Variants in VDR observed in about 807,000 individuals in gnomAD.
VDR encodes vitamin D receptor, also known as vitamin D3 receptor.
A neutral mutation model predicts 39.7 loss-of-function variants in VDR; 19 were observed. The observed-to-expected ratio is 0.48, with a 90% CI of 0.33 to 0.70. VDR has a LOEUF of 0.70. Among genes scored for constraint, VDR ranks in the 30% least tolerant of loss-of-function variants. VDR has a pLI of 0.02. For synonymous variants in VDR, 242 were observed against 215.8 expected (o/e 1.12, Z -1.07); for missense variants, 442 against 570.5 (o/e 0.77, Z 2.29).
rs148111485 is a variant in VDR at position 47,855,514 on chromosome 12, C to T, written c.755+116G>A. On this transcript the variant is annotated intron_variant, in intron 7 of 9. Coordinates refer to ENST00000549336, the MANE Select transcript of VDR (RefSeq NM_000376.3). ...CAGCCTGCGTGACAGAGCAAGATGC[C>T]GTTTAAAAAAATAAAAAATAAAAAA... 355 of 1,271,188 alleles carry T rather than the reference C, an allele frequency of 2.8e-4. No homozygotes were observed. In the African/African-American group the frequency reaches 4.5e-3, roughly 16 times the overall value. 78.7% of individuals were successfully genotyped at this position (1,271,188 alleles called of 1,614,324 possible).
At chr12:47,858,698 G>A (rs1404385136) in intron 4 of VDR, among the ~76,000 whole-genome samples, 1 of 152,254 alleles carries the variant, frequency 6.6e-6, no homozygotes, top group African/African-American at 2.4e-5. Flanking sequence ...TGGGCACCAG[G>A]GCCTTTGGCC....
At chr12:47,890,344 T>C (rs1169379674) in intron 1 of VDR, among the ~76,000 whole-genome samples, 1 of 145,876 alleles carries the variant, frequency 6.9e-6, no homozygotes, top group Non-Finnish European at 1.5e-5. Flanking sequence ...ATGTAATATG[T>C]ATTTTATATA....
Position 47,844,206 on chromosome 12 carries a change from A to C in VDR, c.*540T>G. On this transcript the variant is annotated 3_prime_UTR_variant, in exon 10 of 10. Transcript: ENST00000549336. The stretch of plus-strand genomic sequence containing the variant: ...TGATGGGAAGAAAACCCACCTCACC[A>C]CAGCTACTGCCCGTGAGAATATAAC... The C allele has an allele frequency of 5.7e-6, 1 of 174,646 alleles. No homozygotes were observed. Among genetic ancestry groups the C allele is most frequent in the Non-Finnish European group, 1.2e-5 (1 of 80,754 alleles). 10.8% of individuals were successfully genotyped at this position (174,646 alleles called of 1,614,324 possible). A position where few individuals can be genotyped will look rare whatever the true frequency, so the allele number is the denominator to read the frequency against.
chr12:47,895,224 G>A (rs539313349), intron 1 of VDR, among the ~76,000 whole-genome samples: 13 of 152,314 alleles, frequency 8.5e-5, no homozygotes, highest in Non-Finnish European at 1.8e-4. Flanking sequence ...CACCTTGAAC[G>A]ATTGCATGGA....
chr12:47,867,373 GA>G (rs1419748425), intron 3 of VDR, among the ~76,000 whole-genome samples: 1 of 151,346 alleles, frequency 6.6e-6, no homozygotes, highest in Admixed American at 6.6e-5. Context: ...AGAAAGAAAA[GA>G]AAAAGAAAAG....
chr12:47,848,471 T>A (rs556269290), intron 7 of VDR, among the ~76,000 whole-genome samples: 4 of 151,744 alleles, frequency 2.6e-5, no homozygotes, highest in Non-Finnish European at 5.9e-5. Flanking sequence ...TAGGGCCATG[T>A]CATTGTGATG....
intron 1 of VDR, among the ~76,000 whole-genome samples, chr12:47,895,738 A>G (rs570296743): frequency 6.6e-6 from 1 of 152,318 alleles, no homozygotes; most frequent in South Asian, 2.1e-4. Context: ...TTGGCTGTCA[A>G]TGTTTTAGAA....
chr12:47,883,378 G>T (rs986629507), intron 1 of VDR, among the ~76,000 whole-genome samples: 1 of 152,182 alleles, frequency 6.6e-6, no homozygotes, highest in African/African-American at 2.4e-5. Flanking sequence ...GGCGGAGCAG[G>T]TGTTGCAGGG....
chr12:47,850,964 C>T (rs1195064408), intron 7 of VDR, among the ~76,000 whole-genome samples: 1 of 151,918 alleles, frequency 6.6e-6, no homozygotes, highest in African/African-American at 2.4e-5. Flanking sequence ...TTTCATCAGA[C>T]ACCAAATCCC....
At chr12:47,864,558 A>T (rs184222413) in intron 4 of VDR, among the ~76,000 whole-genome samples, 7 of 152,194 alleles carry the variant, frequency 4.6e-5, no homozygotes, top group Non-Finnish European at 7.4e-5. Context: ...GTGGATGCCA[A>T]CTATGCTCTG....
chr12:47,866,381 C>T (rs368427399), intron 3 of VDR, among the ~76,000 whole-genome samples: 34 of 152,346 alleles, frequency 2.2e-4, no homozygotes, highest in African/African-American at 4.3e-4. Flanking sequence ...AGGCGTAAGC[C>T]ACTGTGCCTG....
intron 3 of VDR, among the ~76,000 whole-genome samples, chr12:47,873,171 CTGAG>C (rs949013547): frequency 8.6e-5 from 13 of 152,030 alleles, no homozygotes; most frequent in African/African-American, 2.9e-4. Context: ...TCTTGTGATA[CTGAG>C]TGAGTTCTCA....
Position 47,844,422 on chromosome 12 carries a change from A to T in VDR, c.*324T>A. The T allele has an allele frequency of 1.9e-6, 1 of 518,168 alleles. No individual in the cohort carries two copies. Among genetic ancestry groups the T allele is most frequent in the Non-Finnish European group, 3.5e-6 (1 of 284,890 alleles). The allele number at this position is 518,168 out of a possible 1,614,324, so 32.1% of individuals were successfully genotyped here. ...TTCTCCTGTCTGTTCCCTCAACATC[A>T]GTCAGCAGCCACTTAGGCAGCGGTG... is the stretch of plus-strand genomic sequence containing the variant. On this transcript the variant is annotated 3_prime_UTR_variant, in exon 10 of 10. Coordinates refer to ENST00000549336, the MANE Select transcript of VDR (RefSeq NM_000376.3).
intron 3 of VDR, among the ~76,000 whole-genome samples, chr12:47,865,711 ACT>A (rs1945718651): frequency 1.0e-5 from 1 of 98,922 alleles, no homozygotes; most frequent in African/African-American, 3.9e-5. Flanking sequence ...CTGCACTCCG[ACT>A]CTTTTTTTTT....
In VDR at chr12:47,888,960, G is replaced by A. The variant is rs147639246; in HGVS notation, c.-83-6186C>T. ...TAAATGTTTGGGGCAATACATAAGC[G>A]AATTGCCCTGATTTGATCACTGCAC... is the stretch of plus-strand genomic sequence containing the variant. On this transcript the variant is annotated intron_variant, in intron 1 of 9. Transcript: ENST00000549336. 8.0e-3 allele frequency among the ~76,000 whole-genome samples: 1,219 copies of A among 152,228 alleles called. 25 individuals are homozygous for A. Among genetic ancestry groups the A allele is most frequent in the African/African-American group, 0.028 (1,144 of 41,546 alleles).
At chr12:47,883,782 A>G (rs948644330) in intron 1 of VDR, among the ~76,000 whole-genome samples, 1 of 152,234 alleles carries the variant, frequency 6.6e-6, no homozygotes, top group African/African-American at 2.4e-5. Context: ...TGGCCTAAGC[A>G]GGGAAGGGGG....
chr12:47,863,984 C>A (rs1048751364), intron 4 of VDR, among the ~76,000 whole-genome samples: 1 of 152,196 alleles, frequency 6.6e-6, no homozygotes, highest in African/African-American at 2.4e-5. Context: ...CTCTCCCCAT[C>A]CCCAACCACT....
Position 47,869,316 on chromosome 12 carries a change from C to T in VDR, c.147-4139G>A, listed in dbSNP as rs543195327. On this transcript the variant is annotated intron_variant, in intron 3 of 9. Coordinates refer to ENST00000549336, the MANE Select transcript of VDR (RefSeq NM_000376.3). ...CTTTGGGAGGCCGAGACAGGCGGAT[C>T]GCGAGGTCAGGAGATCGAGACCATT... 9.9e-5 allele frequency among the ~76,000 whole-genome samples: 15 copies of T among 151,500 alleles called. No individual in the cohort carries two copies. The East Asian group carries it at 1.8e-3, about 18-fold the overall frequency.
At position 47,842,623 on chromosome 12, in the gene VDR, A is replaced by ATTTTTTTTTTTTTTTT. The variant is rs17878969; in HGVS notation, c.*2107_*2122dup. 7.6e-6 allele frequency: 1 copy of ATTTTTTTTTTTTTTTT among 131,072 alleles called. No homozygotes were observed. The highest frequency in any genetic ancestry group is 1.6e-5 in the Non-Finnish European group (1 of 63,670). 8.1% of individuals were successfully genotyped at this position (131,072 alleles called of 1,614,324 possible). On this transcript the variant is annotated 3_prime_UTR_variant, in exon 10 of 10. Coordinates refer to ENST00000549336, the MANE Select transcript of VDR (RefSeq NM_000376.3). ...CAGGCTTGCGCCACCATGCCCGGCT[A>ATTTTTTTTTTTTTTTT]TTTTTTTTTTTTTTTTTTTTGTATT...
Sources: gnomAD v4.1 joint callset for allele counts (sites outside exome capture counted in the v4.1 genomes callset) on GRCh38, gnomAD v4.1.1 for gene constraint, MANE v1.5 for transcripts, NCBI Gene and HGNC (gene_info 2026-07-23, HGNC 2026-07-21) for gene names.